The following DHX33 variants were observed in gnomAD, a reference collection of about 807,000 sequenced individuals.
DHX33 encodes DEAH-box helicase 33.
DHX33 carries 42 observed loss-of-function variants against 72.5 expected under a neutral mutation model. The observed-to-expected ratio is 0.58, with a 90% CI of 0.45 to 0.75. DHX33 has a LOEUF of 0.75. DHX33 is among the 30% of genes least tolerant of loss of function. The pLI, the probability that DHX33 is intolerant of heterozygous loss-of-function variation, is 0.00. For missense variants in DHX33, 842 were observed against 917.5 expected, an observed-to-expected ratio of 0.92 and a Z score of 1.06; for synonymous variants, 358 against 366.1, an observed-to-expected ratio of 0.98 and a Z score of 0.25.
chr17:5,447,936 C>T (rs1327673679), intron 11 of DHX33, among the ~76,000 whole-genome samples: 8 of 152,186 alleles, frequency 5.3e-5, no homozygotes, highest in African/African-American at 1.2e-4. Context: ...CCCAGCACTT[C>T]GGGAGGCCGA....
chr17:5,459,981 T>C (rs890256462), intron 4 of DHX33, among the ~76,000 whole-genome samples: 43 of 145,336 alleles, frequency 3.0e-4, no homozygotes, highest in Non-Finnish European at 5.3e-4. Context: ...TTCAGTTATA[T>C]GTATAGCGTA....
At position 5,463,580 on chromosome 17, in the gene DHX33, G is replaced by A. The variant is rs1349109706; in HGVS notation, c.399C>T (p.Ile133=). 6.2e-7 allele frequency: 1 copy of A among 1,614,132 alleles called. No individual in the cohort carries two copies. The highest frequency in any genetic ancestry group is 1.1e-5 in the South Asian group (1 of 91,080). The part of the protein sequence containing the change: ...AVTQPRRVAA[I]SLATRVSDEK... The stretch of plus-strand genomic sequence containing the variant: ...CATCTGAGACTCTAGTAGCAAGAGA[G>A]ATGGCAGCTACTCGACGAGGCTGGG... The change falls in exon 2 of 12, where the codon ATC becomes ATT. Residue 133 remains isoleucine (I), a synonymous_variant. Transcript: ENST00000225296.
intron 1 of DHX33, among the ~76,000 whole-genome samples, chr17:5,467,980 G>C (rs1904951159): frequency 6.6e-6 from 1 of 152,106 alleles, no homozygotes; most frequent in Non-Finnish European, 1.5e-5. Flanking sequence ...AGTATAACCG[G>C]ACTTGACTGC....
chr17:5,452,740 T>C (rs917971364), intron 8 of DHX33, among the ~76,000 whole-genome samples: 1 of 151,974 alleles, frequency 6.6e-6, no homozygotes, highest in African/African-American at 2.4e-5. Context: ...AATAAATACA[T>C]AAATAAAATC....
At chr17:5,446,971 A>G (rs1916680677) in intron 11 of DHX33, among the ~76,000 whole-genome samples, 1 of 152,252 alleles carries the variant, frequency 6.6e-6, no homozygotes, top group Non-Finnish European at 1.5e-5. Context: ...GGCCGTTGGC[A>G]TCAGACACAG....
chr17:5,459,947 A>G (rs901892318), intron 4 of DHX33, among the ~76,000 whole-genome samples: 1 of 151,884 alleles, frequency 6.6e-6, no homozygotes, highest in African/African-American at 2.4e-5. Flanking sequence ...ATGCCTGGCC[A>G]GAAGCAGTGT....
At chr17:5,457,045 T>C (rs888241749) in intron 4 of DHX33, among the ~76,000 whole-genome samples, 3 of 152,188 alleles carry the variant, frequency 2.0e-5, no homozygotes, top group Admixed American at 1.3e-4. Flanking sequence ...ATTTGTTTGA[T>C]GTAAAGTGCT....
intron 11 of DHX33, among the ~76,000 whole-genome samples, chr17:5,447,960 C>G (rs1916725515): frequency 1.3e-5 from 2 of 152,196 alleles, no homozygotes; most frequent in Admixed American, 1.3e-4. Context: ...GGGCAAATCA[C>G]CTGAGGTCAG....
At chr17:5,458,555 C>A (rs1286121490) in intron 4 of DHX33, among the ~76,000 whole-genome samples, 1 of 152,010 alleles carries the variant, frequency 6.6e-6, no homozygotes, top group Non-Finnish European at 1.5e-5. Context: ...CACGACCAGC[C>A]TGGGCAACAC....
rs377122221 is a variant in DHX33, at chr17:5,450,397, T to A, written c.1534A>T (p.Met512Leu). 1 of 1,613,814 alleles carries A rather than the reference T, an allele frequency of 6.2e-7. No individual in the cohort carries two copies. Among genetic ancestry groups the A allele is most frequent in the Non-Finnish European group, 8.5e-7 (1 of 1,179,848 alleles). Residue 512 changes from methionine (M) to leucine (L), a missense_variant, in exon 10 of 12, where the codon ATG becomes TTG. Transcript: ENST00000225296. ...TCTGTACAGTGGAATTTGGGGGACA[T>A]GAGGATGGTCTGCAAAGCAAAATTT... Reference protein sequence around the residue: ...LEPKFAKTILMSPKFHCTEEI... With the variant: ...LEPKFAKTILLSPKFHCTEEI...
intron 4 of DHX33, among the ~76,000 whole-genome samples, chr17:5,456,701 C>A (rs1053213428): frequency 6.6e-6 from 1 of 152,156 alleles, no homozygotes; most frequent in Non-Finnish European, 1.5e-5. Context: ...AAGAACAATA[C>A]CATGAAAAGC....
intron 10 of DHX33, among the ~76,000 whole-genome samples, chr17:5,449,644 C>T (rs1367806819): frequency 6.6e-6 from 1 of 152,176 alleles, no homozygotes; most frequent in Non-Finnish European, 1.5e-5. Context: ...GCCATGTTGG[C>T]CAGGCTGGTC....
rs1905007385 is a variant in DHX33, at chr17:5,468,892, G to A, written c.-33C>T. 6 of 1,547,916 alleles carry A rather than the reference G, an allele frequency of 3.9e-6. No homozygotes were observed. The highest frequency in any genetic ancestry group is 2.7e-5 in the African/African-American group (2 of 72,874). Reference sequence around the variant, plus strand: ...GGGCACCGCGGCGGGAGGCGCAAGCGCCGAGAGCTCCTGCCCCCTCTCAGG... The same window carrying A: ...GGGCACCGCGGCGGGAGGCGCAAGCACCGAGAGCTCCTGCCCCCTCTCAGG... On this transcript the variant is annotated 5_prime_UTR_variant, in exon 1 of 12. Coordinates refer to ENST00000225296, the MANE Select transcript of DHX33 (RefSeq NM_020162.4).
At chr17:5,455,887 G>C in intron 5 of DHX33, 110 bp downstream of exon 5, 1 of 1,206,714 alleles carries the variant, frequency 8.3e-7, no homozygotes, top group Non-Finnish European at 1.2e-6. Context: ...TGGCACCTGG[G>C]TATCCCATCC....
intron 4 of DHX33, among the ~76,000 whole-genome samples, chr17:5,456,601 C>T (rs182388593): frequency 6.5e-4 from 99 of 152,196 alleles, no homozygotes; most frequent in African/African-American, 2.3e-3. Flanking sequence ...ACACAAAAAA[C>T]AAAACTGTAA....
At chr17:5,461,306 C>CTTT in intron 3 of DHX33, 197 bp from the exon 4 acceptor site, 8 of 279,016 alleles carry the variant, frequency 2.9e-5, no homozygotes, top group South Asian at 9.9e-5. Flanking sequence ...TCCTTTCCTT[C>CTTT]TTTTTTTTTT....
At chr17:5,447,239 C>T (rs941973120) in intron 11 of DHX33, among the ~76,000 whole-genome samples, 10 of 152,210 alleles carry the variant, frequency 6.6e-5, no homozygotes, top group African/African-American at 2.4e-4. Flanking sequence ...CTTTGTGGGC[C>T]GGGCACAGTG....
In DHX33 at chr17:5,443,672, T is replaced by C. The variant is rs572971099; in HGVS notation, c.*533A>G. On this transcript the variant is annotated 3_prime_UTR_variant, in exon 12 of 12. Transcript: ENST00000225296. ...TTTTAAAACTGCATTCAGAGAGACA[T>C]TAAACAAGAACTAAGGGCAACATCC... 6 of 152,966 alleles carry C rather than the reference T, an allele frequency of 3.9e-5. No individual in the cohort carries two copies. The highest frequency in any genetic ancestry group is 1.4e-4 in the African/African-American group (6 of 41,546). 9.5% of individuals were successfully genotyped at this position (152,966 alleles called of 1,614,324 possible). A position where few individuals can be genotyped will look rare whatever the true frequency, so the allele number is the denominator to read the frequency against.
At position 5,456,181 on chromosome 17, in the gene DHX33, T is replaced by C. The variant is rs755754221; in HGVS notation, c.851A>G (p.Glu284Gly). ...CAGGATGTCCTGTGAAGAAGGGGCT[T>C]CCTGTAAAAAAAGTAGAGTGGGTTT... The part of the protein sequence containing the change: ...ALVSVFQIHQ[E>G]APSSQDILVF... The change falls in exon 5 of 12, where the codon GAA becomes GGA. Residue 284 changes from glutamate to glycine, a missense_variant and splice_region_variant. Transcript: ENST00000225296. 7 of 1,613,204 alleles carry C rather than the reference T, an allele frequency of 4.3e-6. No homozygotes were observed. The East Asian group carries it at 8.9e-5, about 21-fold the overall frequency.
Sources: gnomAD v4.1 joint callset for allele counts (sites outside exome capture counted in the v4.1 genomes callset) on GRCh38, gnomAD v4.1.1 for gene constraint, MANE v1.5 for transcripts, NCBI Gene and HGNC (gene_info 2026-07-23, HGNC 2026-07-21) for gene names.